Variants in BACH2 observed in about 807,000 individuals in gnomAD.
BACH2 encodes the protein BACH transcriptional regulator 2.
Under a neutral mutation model 61.8 loss-of-function variants are expected in BACH2, and 5 were observed. That is an observed-to-expected ratio of 0.08 (90% CI 0.04 to 0.17). BACH2 has a LOEUF of 0.17. Ranked by LOEUF, BACH2 falls within the 10% of genes least tolerant of loss-of-function variation. The probability of loss-of-function intolerance (pLI) is 1.00; values close to 1 mark genes in which losing one functional copy is unlikely to be tolerated. For synonymous variants in BACH2, 446 were observed against 440.1 expected (o/e 1.01, Z -0.17); for missense variants, 824 against 1,091.1 (o/e 0.76, Z 3.45).
chr6:90,198,373 G>C (rs1446287747), intron 4 of BACH2, among the ~76,000 whole-genome samples: 1 of 152,156 alleles, frequency 6.6e-6, no homozygotes, highest in Non-Finnish European at 1.5e-5. Flanking sequence ...ACCTCAGTTA[G>C]AACCCGACAG....
chr6:90,295,182 G>A (rs1448708258), intron 1 of BACH2, among the ~76,000 whole-genome samples: 1 of 152,086 alleles, frequency 6.6e-6, no homozygotes, highest in African/African-American at 2.4e-5. Flanking sequence ...TCACGGCGAC[G>A]GCGGTGACCG....
At chr6:90,131,819 A>T (rs749356247) in intron 4 of BACH2, among the ~76,000 whole-genome samples, 1 of 152,244 alleles carries the variant, frequency 6.6e-6, no homozygotes, top group Non-Finnish European at 1.5e-5. Context: ...CTGCCACGGC[A>T]AAGAGAATGC....
In BACH2 at chr6:89,951,194, C is replaced by G; in HGVS notation, c.912G>C (p.Ala304=). The change falls in exon 7 of 9, where the codon GCG becomes GCC. Residue 304 remains alanine (A), a synonymous_variant. Coordinates refer to ENST00000257749, the MANE Select transcript of BACH2 (RefSeq NM_021813.4). The surrounding 1 kb of genome is among the most constrained non-coding windows in gnomAD (Gnocchi z 6.4). ...SGDEPDAKDR[A]GDVEMDRKQP... is the part of the protein sequence containing the mutation. The stretch of plus-strand genomic sequence containing the variant: ...GTTTCCGGTCCATCTCGACATCCCC[C>G]GCTCTGTCCTTGGCGTCAGGCTCAT... 3 of 1,613,904 alleles carry G rather than the reference C, an allele frequency of 1.9e-6. No homozygotes were observed. Among genetic ancestry groups the G allele is most frequent in the Non-Finnish European group, 2.5e-6 (3 of 1,180,026 alleles).
chr6:89,951,143 C>A lies in BACH2; in HGVS notation c.963G>T (p.Thr321=), dbSNP rs1362119061. 4.3e-6 allele frequency: 7 copies of A among 1,611,244 alleles called. No individual in the cohort carries two copies. Among genetic ancestry groups the A allele is most frequent in the Non-Finnish European group, 5.9e-6 (7 of 1,179,014 alleles). ...RKQPSPAPTP[T]APAGAACLER... ...CCAGGCAGGCGGCCCCAGCTGGGGCCGTGGGGGTAGGGGCAGGGCTGGGCT... is the reference window on the plus strand; with the variant it reads ...CCAGGCAGGCGGCCCCAGCTGGGGCAGTGGGGGTAGGGGCAGGGCTGGGCT... Residue 321 remains threonine, a synonymous_variant, in exon 7 of 9, where the codon ACG becomes ACT. Transcript: ENST00000257749. This position sits in a 1 kb window ranked among gnomAD's most constrained non-coding sequence, Gnocchi z 6.4.
intron 5 of BACH2, among the ~76,000 whole-genome samples, chr6:90,031,054 G>A (rs920092179): frequency 1.3e-4 from 20 of 149,716 alleles, no homozygotes; most frequent in Non-Finnish European, 2.4e-4. Flanking sequence ...TTCAACATAC[G>A]CAAATCAATA....
intron 4 of BACH2, among the ~76,000 whole-genome samples, chr6:90,157,596 C>T (rs1785037672): frequency 6.6e-6 from 1 of 152,158 alleles, no homozygotes; most frequent in Admixed American, 6.5e-5. Flanking sequence ...TCCAGGGAAA[C>T]CCATACCGCT....
chr6:90,004,933 G>A (rs1194998141), intron 6 of BACH2, among the ~76,000 whole-genome samples: 1 of 152,068 alleles, frequency 6.6e-6, no homozygotes, highest in African/African-American at 2.4e-5. Context: ...TTTCAGTGGG[G>A]AACAAACACT....
intron 4 of BACH2, among the ~76,000 whole-genome samples, chr6:90,103,029 A>ATATATATATATATATATATATTTTTT: frequency 4.7e-5 from 1 of 21,164 alleles, no homozygotes; most frequent in African/African-American, 2.4e-4. Context: ...ATATATATAT[A>ATATATATATATATATATATATTTTTT]TTTTTTTTTT....
At chr6:90,165,985 G>C (rs1767597918) in intron 4 of BACH2, among the ~76,000 whole-genome samples, 1 of 152,044 alleles carries the variant, frequency 6.6e-6, no homozygotes, top group Admixed American at 6.5e-5. Flanking sequence ...TTACCATTCA[G>C]GACATAGGCA....
intron 8 of BACH2, among the ~76,000 whole-genome samples, chr6:89,933,703 A>G (rs1476300832): frequency 6.6e-6 from 1 of 152,200 alleles, no homozygotes; most frequent in Non-Finnish European, 1.5e-5. Context: ...AAAGTAAGTC[A>G]GGCTGGGTGC....
chr6:90,137,960 G>A (rs1470553796), intron 4 of BACH2, among the ~76,000 whole-genome samples: 3 of 151,998 alleles, frequency 2.0e-5, no homozygotes, highest in African/African-American at 7.3e-5. Flanking sequence ...CTCTGGGTTT[G>A]CAACAATAAA....
At chr6:89,952,004 G>T in intron 6 of BACH2, 142 bp from the exon 7 acceptor site, 1 of 950,126 alleles carries the variant, frequency 1.1e-6, no homozygotes, top group Non-Finnish European at 1.6e-6. Context: ...GTAGTACTGG[G>T]TCAGCAATGA....
At position 90,007,370 on chromosome 6, in the gene BACH2, T is replaced by C. The variant is rs146662975; in HGVS notation, c.243+1232A>G. Among the ~76,000 whole-genome samples the C allele has an allele frequency of 1.5e-3, 225 of 152,066 alleles. No homozygotes were observed. The Middle Eastern group carries it at 0.02, about 14-fold the overall frequency. The stretch of plus-strand genomic sequence containing the variant: ...TTTTTAAAGATGGGGTCTTGCTATG[T>C]TGCCCAGGCTTGTCTCGAACTGCTG... On this transcript the variant is annotated intron_variant, in intron 6 of 8. Transcript: ENST00000257749.
intron 4 of BACH2, among the ~76,000 whole-genome samples, chr6:90,163,141 G>A (rs781130278): frequency 6.6e-5 from 10 of 152,092 alleles, no homozygotes; most frequent in South Asian, 2.1e-4. Context: ...ATTCTCTAGC[G>A]GAGATTTAAA....
intron 5 of BACH2, among the ~76,000 whole-genome samples, chr6:90,020,660 C>G (rs909099923): frequency 6.6e-6 from 1 of 150,688 alleles, no homozygotes; most frequent in African/African-American, 2.4e-5. Flanking sequence ...GACAGGTGCT[C>G]TTCTATGAAC....
At chr6:90,154,425 G>C (rs1784923942) in intron 4 of BACH2, among the ~76,000 whole-genome samples, 1 of 152,182 alleles carries the variant, frequency 6.6e-6, no homozygotes, top group South Asian at 2.1e-4. Flanking sequence ...AAGGTCATTT[G>C]AAGAGTAATC....
rs150037775 is a variant in BACH2, at chr6:89,973,948, T to C, written c.244-22086A>G. ...TCTCTGTTATCACTTTACATTGCAA[T>C]TTTTTTTCAGCATCCTATTATTTCT... On this transcript the variant is annotated intron_variant, in intron 6 of 8. Coordinates refer to ENST00000257749, the MANE Select transcript of BACH2 (RefSeq NM_021813.4). Among the ~76,000 whole-genome samples, 579 of 151,932 alleles carry C rather than the reference T, an allele frequency of 3.8e-3. 4 individuals are homozygous for C. Among genetic ancestry groups the C allele is most frequent in the African/African-American group, 0.013 (535 of 41,284 alleles).
chr6:90,234,433 A>G (rs1440701137), intron 3 of BACH2, among the ~76,000 whole-genome samples: 1 of 152,244 alleles, frequency 6.6e-6, no homozygotes, highest in Admixed American at 6.5e-5. Flanking sequence ...ATCAAGAACC[A>G]GAATTTCCAT....
intron 1 of BACH2, among the ~76,000 whole-genome samples, chr6:90,276,039 G>A (rs906806969): frequency 6.6e-6 from 1 of 151,930 alleles, no homozygotes. Flanking sequence ...TACTTTCATA[G>A]TTCAAATACA....
Sources: gnomAD v4.1 joint callset for allele counts (sites outside exome capture counted in the v4.1 genomes callset) on GRCh38, gnomAD v4.1.1 for gene constraint, Gnocchi (gnomAD v3.1) non-coding constraint, MANE v1.5 for transcripts, NCBI Gene and HGNC (gene_info 2026-07-23, HGNC 2026-07-21) for gene names.